The following BRWD1 variants were observed in gnomAD, a reference collection of about 807,000 sequenced individuals.
BRWD1 encodes bromodomain and WD repeat-containing protein 1.
A neutral mutation model predicts 251.2 loss-of-function variants in BRWD1; 82 were observed. The observed-to-expected ratio is 0.33, with a 90% CI of 0.27 to 0.39. The LOEUF (loss-of-function observed/expected upper bound fraction) is 0.39, where lower values mean the gene tolerates loss of function less well. BRWD1 is among the 10% of genes least tolerant of loss of function. The pLI is 1.00. For synonymous variants in BRWD1, 918 were observed against 902.8 expected, an observed-to-expected ratio of 1.02 and a Z score of -0.30; for missense variants, 2,233 against 2,711.6, an observed-to-expected ratio of 0.82 and a Z score of 3.92.
intron 33 of BRWD1, 146 bp from the exon 34 acceptor site, chr21:39,212,853 A>C (rs749649629): frequency 2.0e-5 from 11 of 560,010 alleles, no homozygotes; most frequent in Non-Finnish European, 3.4e-5. Flanking sequence ...AGACTACCAG[A>C]TGATCTTTGT....
chr21:39,247,725 A>G lies in BRWD1; in HGVS notation c.2457T>C (p.Asn819=). Residue 819 remains asparagine (N), a synonymous_variant, in exon 21 of 41, where the codon AAT becomes AAC. Coordinates refer to ENST00000342449, the MANE Select transcript of BRWD1 (RefSeq NM_033656.4). The stretch of plus-strand genomic sequence containing the variant: ...CATGTCTTACAGAGCTTGAAGACTC[A>G]TTTCCAGAAGATAACTCACGCCAGC... ...NRSWRELSSG[N]ESSSSVRHET... The G allele has an allele frequency of 6.2e-7, 1 of 1,612,672 alleles. No individual in the cohort carries two copies. The highest frequency in any genetic ancestry group is 1.1e-5 in the South Asian group (1 of 90,664).
At chr21:39,261,705 G>C (rs2836965) in intron 17 of BRWD1, among the ~76,000 whole-genome samples, 45,668 of 151,224 alleles carry the variant, frequency 0.3, 7,336 homozygotes, top group Middle Eastern at 0.35. Context: ...CAAATAAACA[G>C]GTATTGCTAG....
rs557178233 is a variant in BRWD1, at chr21:39,229,681, C to T, written c.3001-245G>A. Among the ~76,000 whole-genome samples the T allele has an allele frequency of 1.8e-4, 28 of 152,296 alleles. No individual in the cohort carries two copies. The South Asian group carries it at 5.8e-3, about 32-fold the overall frequency. Reference sequence around the variant, plus strand: ...AAAGTGTAAGATTGAAAACACAAATCTCGGATTAGCGCAATATCTAACGAC... The same window carrying T: ...AAAGTGTAAGATTGAAAACACAAATTTCGGATTAGCGCAATATCTAACGAC... On this transcript the variant is annotated intron_variant, in intron 25 of 40. Transcript: ENST00000342449.
chr21:39,276,504 A>T (rs1219264144), intron 11 of BRWD1, among the ~76,000 whole-genome samples: 1 of 152,252 alleles, frequency 6.6e-6, no homozygotes, highest in Admixed American at 6.5e-5. Flanking sequence ...AAGATGACTT[A>T]TATGGAAGTG....
intron 8 of BRWD1, among the ~76,000 whole-genome samples, chr21:39,286,617 C>T (rs1187442493): frequency 2.0e-5 from 3 of 151,592 alleles, no homozygotes; most frequent in Non-Finnish European, 4.4e-5. Context: ...CGGCTTCAAG[C>T]GATTCTCCTG....
Position 39,210,797 on chromosome 21 carries a change from C to T in BRWD1, c.4033G>A (p.Val1345Ile). ...SEPFRQPVDLVEYPDYRDIID... is the reference protein window; with the variant it reads ...SEPFRQPVDLIEYPDYRDIID... ...CAATGGAAACTTACTGGATATTCAA[C>T]CAAATCAACAGGTTGTCTAAATGGT... Residue 1345 changes from valine to isoleucine, a missense_variant, in exon 35 of 41, where the codon GTT becomes ATT. Coordinates refer to ENST00000342449, the MANE Select transcript of BRWD1 (RefSeq NM_033656.4). 1 of 1,605,064 alleles carries T rather than the reference C, an allele frequency of 6.2e-7. No homozygotes were observed. Among genetic ancestry groups the T allele is most frequent in the Non-Finnish European group, 8.5e-7 (1 of 1,177,276 alleles).
At chr21:39,266,279 T>G (rs1450353708) in intron 15 of BRWD1, among the ~76,000 whole-genome samples, 2 of 20,252 alleles carry the variant, frequency 9.9e-5, no homozygotes, top group Non-Finnish European at 2.1e-4. Context: ...TCTCTTAACA[T>G]AAAAAGGAAA....
Position 39,187,271 on chromosome 21 carries a change from T to C in BRWD1, c.*8988A>G. 6.2e-7 allele frequency: 1 copy of C among 1,614,004 alleles called. No individual in the cohort carries two copies. Among genetic ancestry groups the C allele is most frequent in the Non-Finnish European group, 8.5e-7 (1 of 1,179,934 alleles). On this transcript the variant is annotated 3_prime_UTR_variant, in exon 41 of 41. Coordinates refer to ENST00000342449, the MANE Select transcript of BRWD1 (RefSeq NM_033656.4). ...AGATTACTCATTATCTTTATTTTAT[T>C]TGCAGCAACAGTAGCACATCTGCGG...
intron 4 of BRWD1, among the ~76,000 whole-genome samples, chr21:39,304,233 T>C: frequency 6.9e-6 from 1 of 144,606 alleles, no homozygotes; most frequent in South Asian, 2.2e-4. Context: ...ACTTGATTAA[T>C]CAAAAAAAAA....
At chr21:39,204,236 A>G (rs1222337463) in intron 37 of BRWD1, among the ~76,000 whole-genome samples, 5 of 150,544 alleles carry the variant, frequency 3.3e-5, no homozygotes, top group South Asian at 2.1e-4. Flanking sequence ...CCAAGTTCCT[A>G]TATGTACTGT....
At chr21:39,219,867 G>A (rs1245418096) in intron 29 of BRWD1, 1 of 152,108 alleles carries the variant, frequency 6.6e-6, no homozygotes, top group Non-Finnish European at 1.5e-5. Context: ...TTTATTTTCT[G>A]CATGAACATA....
rs1472396241 is a variant in BRWD1 at position 39,187,735 on chromosome 21, C to A, written c.*8524G>T. 1.0e-6 allele frequency: 1 copy of A among 984,740 alleles called. No homozygotes were observed. The highest frequency in any genetic ancestry group is 1.7e-5 in the African/African-American group (1 of 57,196). The allele number at this position is 984,740 out of a possible 1,614,324, so 61.0% of individuals were successfully genotyped here. A position where few individuals can be genotyped will look rare whatever the true frequency, so the allele number is the denominator to read the frequency against. On this transcript the variant is annotated 3_prime_UTR_variant, in exon 41 of 41. Coordinates refer to ENST00000342449, the MANE Select transcript of BRWD1 (RefSeq NM_033656.4). ...TGAGCATTTTACATAATTTGAATTA[C>A]TAAATCTTAACTTCATTGTTCCAGT...
chr21:39,190,456 AT>A lies in BRWD1; in HGVS notation c.*5802del. ...CTAGCCTCTTTCATAAACTCCTAGA[AT>A]CTTGACATTATTGGTTGCTGTGGTT... On this transcript the variant is annotated 3_prime_UTR_variant, in exon 41 of 41. Coordinates refer to ENST00000342449, the MANE Select transcript of BRWD1 (RefSeq NM_033656.4). The A allele has an allele frequency of 2.0e-6, 2 of 985,384 alleles. No homozygotes were observed. Among genetic ancestry groups the A allele is most frequent in the Non-Finnish European group, 2.4e-6 (2 of 829,906 alleles). 61.0% of individuals were successfully genotyped at this position (985,384 alleles called of 1,614,324 possible). A position where few individuals can be genotyped will look rare whatever the true frequency, so the allele number is the denominator to read the frequency against.
chr21:39,285,764 AACAC>A (rs1161564124), intron 8 of BRWD1, among the ~76,000 whole-genome samples: 1 of 151,622 alleles, frequency 6.6e-6, no homozygotes, highest in Non-Finnish European at 1.5e-5. Context: ...CTACTCAAAA[AACAC>A]ACACAAAAAA....
Position 39,203,434 on chromosome 21 carries a change from GGTTCTT to G in BRWD1, c.4365-895_4365-890del, listed in dbSNP as rs1490200952. Among the ~76,000 whole-genome samples, 177 of 64,298 alleles carry G rather than the reference GGTTCTT, an allele frequency of 2.8e-3. 5 individuals are homozygous for G. The highest frequency in any genetic ancestry group is 5.0e-3 in the Non-Finnish European group (135 of 27,058). 42.2% of individuals were successfully genotyped at this position (64,298 alleles called of 152,430 possible). ...AGCCTGGGCAACAGAGCAAGACCCTGGTTCTTTTTTTTTTTTTTTTTTTTTTTTGAG... is the reference window on the plus strand; with the variant it reads ...AGCCTGGGCAACAGAGCAAGACCCTGTTTTTTTTTTTTTTTTTTTTTTGAG... On this transcript the variant is annotated intron_variant, in intron 37 of 40. Coordinates refer to ENST00000342449, the MANE Select transcript of BRWD1 (RefSeq NM_033656.4).
chr21:39,299,371 G>C (rs147594093), intron 4 of BRWD1, among the ~76,000 whole-genome samples: 399 of 152,070 alleles, frequency 2.6e-3, no homozygotes, highest in African/African-American at 9.1e-3. Flanking sequence ...TGGATAACTG[G>C]TTCTCAACAA....
At chr21:39,242,245 G>T (rs143707768) in intron 21 of BRWD1, among the ~76,000 whole-genome samples, 1 of 152,190 alleles carries the variant, frequency 6.6e-6, no homozygotes, top group Non-Finnish European at 1.5e-5. Flanking sequence ...CACACAAATG[G>T]TAAGAAAGCA....
At chr21:39,279,902 ACTTT>A (rs1447785565) in intron 9 of BRWD1, among the ~76,000 whole-genome samples, 1 of 152,116 alleles carries the variant, frequency 6.6e-6, no homozygotes, top group Non-Finnish European at 1.5e-5. Context: ...TAAATGCCTT[ACTTT>A]GTCTTTGCAA....
intron 34 of BRWD1, among the ~76,000 whole-genome samples, chr21:39,211,582 C>G (rs953809000): frequency 1.6e-4 from 24 of 152,070 alleles, no homozygotes; most frequent in African/African-American, 5.6e-4. Context: ...TCTGGCCACA[C>G]CAAGACCATG....
Sources: gnomAD v4.1 joint callset for allele counts (sites outside exome capture counted in the v4.1 genomes callset) on GRCh38, gnomAD v4.1.1 for gene constraint, MANE v1.5 for transcripts, NCBI Gene and HGNC (gene_info 2026-07-23, HGNC 2026-07-21) for gene names.